The following ABL1 variants were observed in gnomAD, a reference collection of about 807,000 sequenced individuals.
ABL1 encodes ABL proto-oncogene 1, non-receptor tyrosine kinase, also known as tyrosine-protein kinase ABL1.
In ABL1, 11 loss-of-function variants were observed where a neutral mutation model predicts 94.7. The observed-to-expected ratio is 0.12, with a 90% CI of 0.07 to 0.19. The LOEUF (loss-of-function observed/expected upper bound fraction) is 0.19, where lower values mean the gene tolerates loss of function less well. ABL1 is among the 10% of genes least tolerant of loss of function. ABL1 has a pLI of 1.00. For missense variants in ABL1, 1,082 were observed against 1,489.4 expected, an observed-to-expected ratio of 0.73 and a Z score of 4.50; for synonymous variants, 656 against 622.4, an observed-to-expected ratio of 1.05 and a Z score of -0.80.
chr9:130,836,847 G>C (rs200029286), intron 1 of ABL1, among the ~76,000 whole-genome samples: 2 of 137,940 alleles, frequency 1.4e-5, no homozygotes, highest in Admixed American at 7.2e-5. Flanking sequence ...AAAAAAAAAA[G>C]AGTAGAAAGA....
At chr9:130,773,176 C>T (rs562680460) in intron 1 of ABL1, among the ~76,000 whole-genome samples, 4 of 152,032 alleles carry the variant, frequency 2.6e-5, no homozygotes, top group Non-Finnish European at 4.4e-5. Flanking sequence ...CAAAATTAGC[C>T]GGGCATGGTG....
chr9:130,750,212 T>C (rs866815222), intron 1 of ABL1, among the ~76,000 whole-genome samples: 4,882 of 121,012 alleles, frequency 0.04, 156 homozygotes, highest in African/African-American at 0.077. Flanking sequence ...TATATATATA[T>C]ATATATATAT....
chr9:130,853,589 A>G (rs1484904700), intron 1 of ABL1, among the ~76,000 whole-genome samples: 1 of 152,056 alleles, frequency 6.6e-6, no homozygotes, highest in Non-Finnish European at 1.5e-5. Flanking sequence ...TAATTTTTGT[A>G]TGTCTAATGG....
rs766685037 is a variant in ABL1, at chr9:130,862,718, C to A, written c.550-45C>A. ...AACTGGCTCACGTGAGCTCTTTGAG[C>A]TTGCCTGTCTCTGTGGGCTGAAGGC... is the stretch of plus-strand genomic sequence containing the variant. On this transcript the variant is annotated intron_variant, in intron 3 of 10. Coordinates refer to ENST00000318560, the MANE Select transcript of ABL1 (RefSeq NM_005157.6). The surrounding 1 kb of genome is among the most constrained non-coding windows in gnomAD (Gnocchi z 5.5). The A allele has an allele frequency of 6.3e-7, 1 of 1,591,702 alleles. No individual in the cohort carries two copies. The highest frequency in any genetic ancestry group is 1.3e-5 in the African/African-American group (1 of 74,408).
At chr9:130,850,912 TTTTGTTTGTTTG>T (rs574899693) in intron 1 of ABL1, among the ~76,000 whole-genome samples, 157 of 135,862 alleles carry the variant, frequency 1.2e-3, no homozygotes, top group Admixed American at 6.5e-3. Context: ...TTTTGTTTGT[TTTTGTTTGTTTG>T]TTTGTTTGTT....
At chr9:130,800,234 A>T (rs1051640640) in intron 1 of ABL1, among the ~76,000 whole-genome samples, 2 of 151,952 alleles carry the variant, frequency 1.3e-5, no homozygotes, top group Non-Finnish European at 2.9e-5. Flanking sequence ...ATTATTTTTT[A>T]AAGTACTTTT....
chr9:130,846,322 A>T (rs1364106722), intron 1 of ABL1, among the ~76,000 whole-genome samples: 1 of 152,224 alleles, frequency 6.6e-6, no homozygotes, highest in Non-Finnish European at 1.5e-5. Context: ...ATCCGCTGGA[A>T]CGGAGTATGA....
At chr9:130,731,462 T>C (rs1388426510) in intron 1 of ABL1, among the ~76,000 whole-genome samples, 1 of 152,138 alleles carries the variant, frequency 6.6e-6, no homozygotes, top group Admixed American at 6.6e-5. Context: ...ACATCTCATG[T>C]TTATAGTTGG....
At chr9:130,775,342 C>T (rs769191323) in intron 1 of ABL1, among the ~76,000 whole-genome samples, 1 of 151,794 alleles carries the variant, frequency 6.6e-6, no homozygotes, top group Admixed American at 6.6e-5. Context: ...CTGTCAGATT[C>T]AGAATATAAA....
chr9:130,883,282 G>A (rs1462980867), intron 10 of ABL1, among the ~76,000 whole-genome samples: 1 of 152,218 alleles, frequency 6.6e-6, no homozygotes, highest in Non-Finnish European at 1.5e-5. Context: ...TGGATCACCT[G>A]AGGTCAGGAG....
intron 1 of ABL1, among the ~76,000 whole-genome samples, chr9:130,771,099 G>T (rs1832245522): frequency 6.6e-6 from 1 of 152,158 alleles, no homozygotes; most frequent in African/African-American, 2.4e-5. Flanking sequence ...ATCCTATTGG[G>T]ATCTGTATTA....
upstream of ABL1, among the ~76,000 whole-genome samples, chr9:130,832,329 C>CAA (rs35298043): frequency 0.17 from 22,146 of 131,704 alleles, 1,789 homozygotes; most frequent in African/African-American, 0.22. Flanking sequence ...TTCACCATCT[C>CAA]AAAAAAAAAA....
chr9:130,850,856 A>G (rs1194099642), intron 1 of ABL1, among the ~76,000 whole-genome samples: 1 of 152,214 alleles, frequency 6.6e-6, no homozygotes, highest in Non-Finnish European at 1.5e-5. Context: ...AGTCAAGACT[A>G]CCAAACCAAT....
At chr9:130,761,933 G>A (rs534839261) in intron 1 of ABL1, among the ~76,000 whole-genome samples, 4 of 152,122 alleles carry the variant, frequency 2.6e-5, no homozygotes, top group South Asian at 2.1e-4. Flanking sequence ...ACCTGAGGTC[G>A]GGAGTTAGAG....
At chr9:130,799,158 A>G (rs1830022682) in intron 1 of ABL1, among the ~76,000 whole-genome samples, 2 of 152,090 alleles carry the variant, frequency 1.3e-5, no homozygotes, top group South Asian at 2.1e-4. Flanking sequence ...GCCATGAGAA[A>G]AGGAGGCTTC....
At chr9:130,823,076 G>A (rs2132880333) in intron 1 of ABL1, among the ~76,000 whole-genome samples, 1 of 152,316 alleles carries the variant, frequency 6.6e-6, no homozygotes, top group South Asian at 2.1e-4. Context: ...GATTACAGGT[G>A]TGAGCCACCG....
At chr9:130,737,889 G>A (rs558588490) in intron 1 of ABL1, among the ~76,000 whole-genome samples, 1 of 150,040 alleles carries the variant, frequency 6.7e-6, no homozygotes, top group African/African-American at 2.5e-5. Context: ...GGAGTGCAGT[G>A]GCACAATCTC....
chr9:130,857,272 T>C (rs1316393702), intron 3 of ABL1, among the ~76,000 whole-genome samples: 1 of 152,172 alleles, frequency 6.6e-6, no homozygotes, highest in Non-Finnish European at 1.5e-5. Flanking sequence ...TCTATAGAAA[T>C]TGTACAAATT....
chr9:130,729,778 C>T (rs867821933), intron 1 of ABL1, among the ~76,000 whole-genome samples: 6 of 151,892 alleles, frequency 4.0e-5, no homozygotes, highest in Admixed American at 2.0e-4. Context: ...CTCTGTCGCC[C>T]AGGCTGGAGT....
Sources: gnomAD v4.1 joint callset for allele counts (sites outside exome capture counted in the v4.1 genomes callset) on GRCh38, gnomAD v4.1.1 for gene constraint, Gnocchi (gnomAD v3.1) non-coding constraint, MANE v1.5 for transcripts, NCBI Gene and HGNC (gene_info 2026-07-23, HGNC 2026-07-21) for gene names.